Variants in LYPLA1 observed in about 807,000 individuals in gnomAD.
LYPLA1 encodes the protein lysophospholipase 1.
Under a neutral mutation model 34.0 loss-of-function variants are expected in LYPLA1, and 17 were observed. That is an observed-to-expected ratio of 0.50 (90% confidence interval 0.34 to 0.75). The LOEUF (loss-of-function observed/expected upper bound fraction) is 0.75. LYPLA1 is among the 30% of genes least tolerant of loss of function. The pLI, the probability that LYPLA1 is intolerant of heterozygous loss-of-function variation, is 0.01. For synonymous variants in LYPLA1, 98 were observed against 100.8 expected, an observed-to-expected ratio of 0.97 and a Z score of 0.17; for missense variants, 203 against 288.8, an observed-to-expected ratio of 0.70 and a Z score of 2.15.
At chr8:54,053,726 C>T in intron 6 of LYPLA1, 1 of 456,128 alleles carries the variant, frequency 2.2e-6, no homozygotes, top group South Asian at 1.5e-5. Context: ...CCAAGATGGC[C>T]AATTGTTTAT....
At chr8:54,099,179 G>A (rs1302441600) in intron 2 of LYPLA1, among the ~76,000 whole-genome samples, 1 of 151,634 alleles carries the variant, frequency 6.6e-6, no homozygotes. Context: ...CTCATTATTG[G>A]CAAAGTTAGA....
intron 2 of LYPLA1, among the ~76,000 whole-genome samples, chr8:54,094,808 C>T (rs1348391628): frequency 6.6e-6 from 1 of 152,178 alleles, no homozygotes; most frequent in Non-Finnish European, 1.5e-5. Flanking sequence ...GTCCAAAAGA[C>T]ACCAAGTACC....
chr8:54,052,940 A>C (rs1805948070), intron 6 of LYPLA1, 184 bp from the exon 7 acceptor site: 1 of 524,992 alleles, frequency 1.9e-6, no homozygotes, highest in African/African-American at 1.9e-5. Flanking sequence ...GGTTCTCTAC[A>C]CCAGAGAACA....
rs1806125248 is a variant in LYPLA1, at chr8:54,055,216, T to C, written c.287-83A>G. The C allele has an allele frequency of 8.1e-6, 6 of 742,988 alleles. No individual in the cohort carries two copies. The South Asian group carries it at 1.0e-4, about 13-fold the overall frequency. The allele number at this position is 742,988 out of a possible 1,614,324, so 46.0% of individuals were successfully genotyped here. A position where few individuals can be genotyped will look rare whatever the true frequency, so the allele number is the denominator to read the frequency against. ...ATTTAAATTAGGAAAAAATTAGTAA[T>C]AGAAAAGCGCAATTACTTTTAAGGT... On this transcript the variant is annotated intron_variant, in intron 5 of 8. Transcript: ENST00000316963.
At chr8:54,059,430 G>C (rs528283641) in intron 5 of LYPLA1, among the ~76,000 whole-genome samples, 1 of 116,636 alleles carries the variant, frequency 8.6e-6, no homozygotes, top group Non-Finnish European at 1.6e-5. Flanking sequence ...TCAGCCTCCC[G>C]AGTAGCTGGG....
chr8:54,072,934 CAA>C (rs59257354), intron 2 of LYPLA1, among the ~76,000 whole-genome samples: 1,582 of 91,686 alleles, frequency 0.017, 23 homozygotes, highest in African/African-American at 0.043. Flanking sequence ...AAGACTGAAT[CAA>C]AAAAAAAAAA....
chr8:54,100,552 C>T (rs1810043359), intron 2 of LYPLA1: 1 of 268,640 alleles, frequency 3.7e-6, no homozygotes, highest in South Asian at 4.0e-5. Flanking sequence ...TCAAAATCAA[C>T]TAGTTCTTCT....
At chr8:54,081,861 C>T (rs1808348635) in intron 2 of LYPLA1, among the ~76,000 whole-genome samples, 1 of 152,148 alleles carries the variant, frequency 6.6e-6, no homozygotes, top group African/African-American at 2.4e-5. Context: ...TCCCAAGTAG[C>T]TGCGATTACA....
intron 2 of LYPLA1, among the ~76,000 whole-genome samples, chr8:54,093,792 C>T (rs1242374555): frequency 6.6e-6 from 1 of 152,134 alleles, no homozygotes; most frequent in Non-Finnish European, 1.5e-5. Context: ...CACAAAAAAT[C>T]CCTGTGCTGA....
intron 2 of LYPLA1, among the ~76,000 whole-genome samples, chr8:54,086,498 G>GAAA (rs111275550): frequency 1.1e-5 from 1 of 89,064 alleles, no homozygotes; most frequent in African/African-American, 4.7e-5. Flanking sequence ...CCCAAAAAAA[G>GAAA]GAACAGTTAC....
In LYPLA1 at chr8:54,092,306, TGGAGGAGGA is replaced by T. The variant is rs564501188; in HGVS notation, c.101+8593_101+8601del. On this transcript the variant is annotated intron_variant, in intron 2 of 8. Transcript: ENST00000316963. The stretch of plus-strand genomic sequence containing the variant: ...GAAGAGAAGGAGGGGGAAGAGAAGG[TGGAGGAGGA>T]GGAGAAGGAGGAGACAGAGAGAGAA... Among the ~76,000 whole-genome samples the T allele has an allele frequency of 3.7e-4, 38 of 103,972 alleles. No homozygotes were observed. The South Asian group carries it at 0.011, about 31-fold the overall frequency. The allele number at this position is 103,972 out of a possible 152,430, so 68.2% of individuals were successfully genotyped here.
intron 2 of LYPLA1, among the ~76,000 whole-genome samples, chr8:54,098,877 G>A (rs551373539): frequency 2.0e-5 from 3 of 152,272 alleles, no homozygotes; most frequent in East Asian, 3.9e-4. Context: ...TGACAGGTTC[G>A]AAGTTTCATC....
chr8:54,053,175 A>G (rs1586076437), intron 6 of LYPLA1: 1 of 175,374 alleles, frequency 5.7e-6, no homozygotes, highest in African/African-American at 2.4e-5. Context: ...GCTCACCACA[A>G]CCTCCGCCTC....
At chr8:54,072,960 A>T (rs908163113) in intron 2 of LYPLA1, among the ~76,000 whole-genome samples, 2 of 151,548 alleles carry the variant, frequency 1.3e-5, no homozygotes, top group Non-Finnish European at 2.9e-5. Context: ...AAAGACATAC[A>T]TGTGGCCAAC....
chr8:54,099,559 C>G (rs983138534), intron 2 of LYPLA1, among the ~76,000 whole-genome samples: 3 of 152,096 alleles, frequency 2.0e-5, no homozygotes, highest in African/African-American at 7.2e-5. Context: ...CAACTGTAGT[C>G]CCAGCTACTC....
At chr8:54,082,451 G>A (rs1808392159) in intron 2 of LYPLA1, among the ~76,000 whole-genome samples, 1 of 152,080 alleles carries the variant, frequency 6.6e-6, no homozygotes, top group Non-Finnish European at 1.5e-5. Context: ...GCTCCTATTT[G>A]TTATGAGACT....
At chr8:54,098,338 G>A (rs1182483754) in intron 2 of LYPLA1, among the ~76,000 whole-genome samples, 4 of 152,108 alleles carry the variant, frequency 2.6e-5, no homozygotes, top group African/African-American at 7.2e-5. Flanking sequence ...GGAATGATTC[G>A]TGTCCTGGGT....
chr8:54,078,560 T>C lies in LYPLA1; in HGVS notation c.102-12747A>G, dbSNP rs961450839. ...TTCAGCTCTGCCAGATGTAACCCCA[T>C]TGTAAGTCAAGGCGCATCTATATTC... is the stretch of plus-strand genomic sequence containing the variant. On this transcript the variant is annotated intron_variant, in intron 2 of 8. Coordinates refer to ENST00000316963, the MANE Select transcript of LYPLA1 (RefSeq NM_006330.4). 7.2e-5 allele frequency among the ~76,000 whole-genome samples: 11 copies of C among 152,164 alleles called. No homozygotes were observed. In the South Asian group the frequency reaches 1.0e-3, roughly 14 times the overall value.
intron 7 of LYPLA1, among the ~76,000 whole-genome samples, chr8:54,051,470 C>CG (rs1477413995): frequency 6.6e-6 from 1 of 152,044 alleles, no homozygotes; most frequent in Admixed American, 6.6e-5. Flanking sequence ...TTTTTTGAGA[C>CG]GGAGTCTTGC....
Sources: gnomAD v4.1 joint callset for allele counts (sites outside exome capture counted in the v4.1 genomes callset) on GRCh38, gnomAD v4.1.1 for gene constraint, MANE v1.5 for transcripts, NCBI Gene and HGNC (gene_info 2026-07-23, HGNC 2026-07-21) for gene names.